TENM3: variants seen among roughly 807,000 people sequenced by gnomAD.
The protein encoded by TENM3 is teneurin transmembrane protein 3.
TENM3 carries 63 observed loss-of-function variants against 255.1 expected under a neutral mutation model. The ratio of observed to expected loss-of-function variants is 0.25; its 90% CI spans 0.20 to 0.30. TENM3 has a LOEUF of 0.30. Among genes scored for constraint, TENM3 ranks in the 10% least tolerant of loss-of-function variants. The pLI, the probability that TENM3 is intolerant of heterozygous loss-of-function variation, is 1.00. For synonymous variants in TENM3, 1,306 were observed against 1,322.3 expected (o/e 0.99, Z 0.27); for missense variants, 2,929 against 3,461.1 (o/e 0.85, Z 3.86).
chr4:182,357,414 C>A (rs1300341017), intron 3 of TENM3, among the ~76,000 whole-genome samples: 1 of 152,228 alleles, frequency 6.6e-6, no homozygotes, highest in African/African-American at 2.4e-5. Context: ...GCCATTCTAA[C>A]TGGTGTGAGA....
In TENM3 at chr4:182,601,092, A is replaced by C; in HGVS notation, c.680A>C (p.Gln227Pro). The C allele has an allele frequency of 6.2e-7, 1 of 1,613,894 alleles. No individual in the cohort carries two copies. The highest frequency in any genetic ancestry group is 8.5e-7 in the Non-Finnish European group (1 of 1,179,880). Residue 227 changes from glutamine (Q) to proline (P), a missense_variant, in exon 4 of 28, where the codon CAA becomes CCA. Gln to Pro is a moderately conservative substitution (Grantham distance 76, BLOSUM62 -1). Around this residue, in one of 6 missense-constraint regions of TENM3, gnomAD observed 1,608 missense variants for 1,884.4 expected, o/e 0.85. Coordinates refer to ENST00000511685, the MANE Select transcript of TENM3 (RefSeq NM_001080477.4). ...APPAALPAEL[Q>P]TTPESVQLQD... ...CCGGCTGCTTTGCCCGCCGAGCTGC[A>C]AACCACACCCGAGTCCGTCCAGCTG...
chr4:182,289,235 C>T (rs931712902), intron 1 of TENM3, among the ~76,000 whole-genome samples: 2 of 152,188 alleles, frequency 1.3e-5, no homozygotes, highest in African/African-American at 2.4e-5. Flanking sequence ...CTCTACAAAA[C>T]ATTTAAAAAG....
chr4:182,518,880 C>T (rs1239531596), intron 3 of TENM3, among the ~76,000 whole-genome samples: 1 of 152,098 alleles, frequency 6.6e-6, no homozygotes, highest in African/African-American at 2.4e-5. Context: ...CTGAGAATCC[C>T]AAACCTATTA....
In TENM3 at chr4:182,755,244, G is replaced by T. The variant is rs1762641982; in HGVS notation, c.4877G>T (p.Trp1626Leu). 6.3e-6 allele frequency: 10 copies of T among 1,597,524 alleles called. No individual in the cohort carries two copies. Among genetic ancestry groups the T allele is most frequent in the Non-Finnish European group, 7.7e-6 (9 of 1,176,282 alleles). ...GCCACTAAAAGTGATGAAACTGGAT[G>T]GACAACGTTTTTTGAGTAAGTATAT... ...LLATKSDETG[W>L]TTFFDYDSEG... is the part of the protein sequence containing the mutation. Residue 1626 changes from tryptophan (W) to leucine (L), a missense_variant, in exon 22 of 28, where the codon TGG becomes TTG. Coordinates refer to ENST00000511685, the MANE Select transcript of TENM3 (RefSeq NM_001080477.4).
At chr4:182,406,957 G>A (rs1050313493) in intron 3 of TENM3, among the ~76,000 whole-genome samples, 1 of 152,200 alleles carries the variant, frequency 6.6e-6, no homozygotes, top group African/African-American at 2.4e-5. Context: ...TTCAATGTAA[G>A]GCGGGAAACT....
intron 3 of TENM3, among the ~76,000 whole-genome samples, chr4:182,598,121 C>T (rs923271642): frequency 6.6e-6 from 1 of 152,204 alleles, no homozygotes; most frequent in African/African-American, 2.4e-5. Context: ...GTCAAGGCTG[C>T]AGTGAGCTGT....
At chr4:181,934,699 A>G in the TENM3 span, among the ~76,000 whole-genome samples, 1 of 152,012 alleles carries the variant, frequency 6.6e-6, no homozygotes, top group Non-Finnish European at 1.5e-5. Flanking sequence ...TTTTTTCTTT[A>G]TTTTTTAAAC....
the TENM3 span, among the ~76,000 whole-genome samples, chr4:181,846,982 T>A: frequency 1.3e-5 from 2 of 152,234 alleles, no homozygotes; most frequent in Non-Finnish European, 2.9e-5. Flanking sequence ...GCAGCCAAAA[T>A]AGGAGCTGCT....
At chr4:182,067,254 GA>G in the TENM3 span, among the ~76,000 whole-genome samples, 2 of 152,090 alleles carry the variant, frequency 1.3e-5, no homozygotes, top group African/African-American at 4.8e-5. Flanking sequence ...TACAACTGCA[GA>G]AACTAGATAT....
chr4:182,411,330 C>G (rs1364734475), intron 3 of TENM3, among the ~76,000 whole-genome samples: 2 of 152,206 alleles, frequency 1.3e-5, no homozygotes, highest in Non-Finnish European at 2.9e-5. Flanking sequence ...CAAGTGTTTA[C>G]TTTCCTGTAT....
chr4:182,540,922 A>G (rs570496968), intron 3 of TENM3, among the ~76,000 whole-genome samples: 3 of 152,300 alleles, frequency 2.0e-5, no homozygotes, highest in Admixed American at 2.0e-4. Flanking sequence ...TGAAACATAC[A>G]TAGATCATTT....
chr4:182,656,846 A>G (rs780058602), intron 6 of TENM3, among the ~76,000 whole-genome samples: 2 of 152,174 alleles, frequency 1.3e-5, no homozygotes, highest in Non-Finnish European at 2.9e-5. Flanking sequence ...TCTAAATGGT[A>G]TTTAGTATCT....
chr4:181,770,304 G>A, the TENM3 span, among the ~76,000 whole-genome samples: 9 of 152,208 alleles, frequency 5.9e-5, no homozygotes, highest in East Asian at 3.9e-4. Context: ...CTTACATTAC[G>A]ATTGAAAAAA....
intron 3 of TENM3, among the ~76,000 whole-genome samples, chr4:182,505,516 T>C (rs1580769707): frequency 6.6e-6 from 1 of 152,168 alleles, no homozygotes; most frequent in Admixed American, 6.5e-5. Flanking sequence ...TTCACCCTTA[T>C]TGCCCAGGCT....
At chr4:182,146,552 T>G (rs555782964) in intron 1 of TENM3, among the ~76,000 whole-genome samples, 10 of 152,206 alleles carry the variant, frequency 6.6e-5, no homozygotes, top group Non-Finnish European at 1.5e-4. Flanking sequence ...ACACGAATTT[T>G]ATTATTCCTC....
At chr4:181,590,346 C>G in the TENM3 span, among the ~76,000 whole-genome samples, 2 of 152,154 alleles carry the variant, frequency 1.3e-5, no homozygotes, top group African/African-American at 4.8e-5. Flanking sequence ...TCTCCCCATA[C>G]TCTAAGGCTC....
At chr4:182,164,374 C>G (rs866825673) in intron 1 of TENM3, among the ~76,000 whole-genome samples, 13 of 152,184 alleles carry the variant, frequency 8.5e-5, no homozygotes, top group Admixed American at 7.2e-4. Flanking sequence ...ATCACATTGT[C>G]TAGTTAATAT....
chr4:182,018,821 T>C, the TENM3 span, among the ~76,000 whole-genome samples: 1 of 152,152 alleles, frequency 6.6e-6, no homozygotes, highest in African/African-American at 2.4e-5. Flanking sequence ...CCAGACATGG[T>C]ACATAACCTC....
the TENM3 span, among the ~76,000 whole-genome samples, chr4:181,877,520 T>A: frequency 6.6e-6 from 1 of 152,182 alleles, no homozygotes; most frequent in Non-Finnish European, 1.5e-5. Flanking sequence ...AGCATTTATG[T>A]TTATCCATAT....
Sources: allele counts gnomAD v4.1 joint callset (sites outside exome capture counted in the v4.1 genomes callset), GRCh38; gene constraint gnomAD v4.1.1; regional missense constraint gnomAD v4.1.1; transcripts MANE v1.5; gene names NCBI Gene and HGNC (gene_info 2026-07-23, HGNC 2026-07-21).